The following DNAI4 variants were observed in gnomAD, a reference collection of about 807,000 sequenced individuals.
DNAI4 encodes the protein WD repeat domain 78.
Under a neutral mutation model 105.8 loss-of-function variants are expected in DNAI4, and 85 were observed. The observed-to-expected ratio is 0.80, with a 90% CI of 0.67 to 0.96. The LOEUF is 0.96. DNAI4 is among the 40% of genes least tolerant of loss of function. The pLI, the probability that DNAI4 is intolerant of heterozygous loss-of-function variation, is 0.00. For missense variants in DNAI4, 1,014 were observed against 1,005.6 expected, an observed-to-expected ratio of 1.01 and a Z score of -0.11; for synonymous variants, 352 against 331.5, an observed-to-expected ratio of 1.06 and a Z score of -0.67.
chr1:66,839,407 G>T (rs558392302), intron 9 of DNAI4, among the ~76,000 whole-genome samples: 189 of 152,182 alleles, frequency 1.2e-3, no homozygotes, highest in Non-Finnish European at 2.1e-3. Context: ...GTGTTATTTA[G>T]GTTTCAATGG....
intron 1 of DNAI4, among the ~76,000 whole-genome samples, chr1:66,906,345 T>C (rs1649246855): frequency 6.6e-6 from 1 of 152,186 alleles, no homozygotes; most frequent in Non-Finnish European, 1.5e-5. Flanking sequence ...CTTCTAGTAC[T>C]CTGTAATATG....
chr1:66,833,904 C>G, intron 12 of DNAI4, 87 bp downstream of exon 12: 1 of 1,473,796 alleles, frequency 6.8e-7, no homozygotes, highest in Non-Finnish European at 9.0e-7. Flanking sequence ...TTGGCCAAAC[C>G]AAAATTTGTC....
chr1:66,884,642 T>G (rs1647153885), intron 4 of DNAI4, among the ~76,000 whole-genome samples: 1 of 152,234 alleles, frequency 6.6e-6, no homozygotes, highest in Admixed American at 6.5e-5. Context: ...GTTGAGGATT[T>G]TTGCATCCAT....
In DNAI4 at chr1:66,814,196, C is replaced by G. The variant is rs1187321921; in HGVS notation, c.2497-16G>C. 6.4e-7 allele frequency: 1 copy of G among 1,570,978 alleles called. No homozygotes were observed. Among genetic ancestry groups the G allele is most frequent in the Non-Finnish European group, 8.6e-7 (1 of 1,166,224 alleles). On this transcript the variant is annotated splice_polypyrimidine_tract_variant and intron_variant, in intron 16 of 16. Transcript: ENST00000371026. Reference sequence around the variant, plus strand: ...TTATATCTCCCTGAAAAAAAAAAGTCACACAATTACAATGCAATAAAATGC... The same window carrying G: ...TTATATCTCCCTGAAAAAAAAAAGTGACACAATTACAATGCAATAAAATGC...
intron 1 of DNAI4, among the ~76,000 whole-genome samples, chr1:66,924,208 T>C (rs1428488022): frequency 6.6e-6 from 1 of 152,224 alleles, no homozygotes; most frequent in African/African-American, 2.4e-5. Flanking sequence ...TCTCGCTCTG[T>C]TGCTCAGGCT....
chr1:66,874,744 A>G (rs1418807594), intron 5 of DNAI4, 37 bp downstream of exon 5: 2 of 1,575,996 alleles, frequency 1.3e-6, no homozygotes, highest in African/African-American at 1.4e-5. Context: ...TAGCATTTGA[A>G]TTACAGAAAC....
intron 14 of DNAI4, 117 bp from the exon 15 acceptor site, chr1:66,827,163 G>T: frequency 1.2e-6 from 1 of 838,802 alleles, no homozygotes; most frequent in South Asian, 2.0e-5. Flanking sequence ...ATTATTGTGT[G>T]GGCATTATTT....
At chr1:66,913,983 C>CAAAAAAAAAAAAAA (rs530815410) in intron 1 of DNAI4, among the ~76,000 whole-genome samples, 1 of 67,202 alleles carries the variant, frequency 1.5e-5, no homozygotes. Context: ...AACTCCGTCT[C>CAAAAAAAAAAAAAA]AAAAAAAAAA....
chr1:66,827,189 T>A, intron 14 of DNAI4, 143 bp from the exon 15 acceptor site: 1 of 656,938 alleles, frequency 1.5e-6, no homozygotes, highest in African/African-American at 1.8e-5. Context: ...GAGAATAAGA[T>A]CACAGATTGA....
chr1:66,911,893 G>A (rs1434717913), intron 1 of DNAI4, among the ~76,000 whole-genome samples: 6 of 152,158 alleles, frequency 3.9e-5, no homozygotes, highest in African/African-American at 1.4e-4. Flanking sequence ...CCAGGCTGGA[G>A]TGCAGTGGCT....
At chr1:66,917,101 T>G (rs938202534) in intron 1 of DNAI4, among the ~76,000 whole-genome samples, 2 of 152,238 alleles carry the variant, frequency 1.3e-5, no homozygotes, top group African/African-American at 2.4e-5. Flanking sequence ...GCTTATTTGG[T>G]ATAAAAATTA....
intron 10 of DNAI4, chr1:66,837,463 T>C (rs1393516640): frequency 2.6e-6 from 1 of 381,216 alleles, no homozygotes; most frequent in East Asian, 4.2e-5. Context: ...GGTTCAACTC[T>C]TCATCATCAT....
At chr1:66,842,809 GC>G (rs1326262971) in intron 8 of DNAI4, among the ~76,000 whole-genome samples, 1 of 152,176 alleles carries the variant, frequency 6.6e-6, no homozygotes, top group East Asian at 1.9e-4. Flanking sequence ...ATCTCCACCA[GC>G]TTTGAGTGCT....
intron 2 of DNAI4, among the ~76,000 whole-genome samples, chr1:66,903,282 C>T (rs3008888): frequency 0.78 from 119,350 of 152,152 alleles, 47,193 homozygotes; most frequent in East Asian, 0.88. Context: ...CTAAGTATTT[C>T]ATTATTTTTG....
chr1:66,892,470 T>C (rs1164090969), intron 3 of DNAI4, among the ~76,000 whole-genome samples: 2 of 152,356 alleles, frequency 1.3e-5, no homozygotes, highest in South Asian at 2.1e-4. Context: ...GTGATTTTAG[T>C]CCCATCTTTT....
intron 9 of DNAI4, among the ~76,000 whole-genome samples, chr1:66,838,114 T>A (rs374703468): frequency 3.2e-4 from 48 of 152,302 alleles, no homozygotes; most frequent in African/African-American, 1.1e-3. Context: ...TCTGAGTTTT[T>A]GAGGATGACT....
At chr1:66,868,873 C>T (rs1646784326) in intron 6 of DNAI4, among the ~76,000 whole-genome samples, 2 of 151,672 alleles carry the variant, frequency 1.3e-5, no homozygotes, top group South Asian at 2.1e-4. Flanking sequence ...GTCAGGAGAT[C>T]GAGACCATCC....
Position 66,834,085 on chromosome 1 carries a change from T to A in DNAI4, c.1797A>T (p.Gly599=). The A allele has an allele frequency of 1.2e-6, 2 of 1,612,840 alleles. No homozygotes were observed. The highest frequency in any genetic ancestry group is 1.7e-6 in the Non-Finnish European group (2 of 1,179,468). Residue 599 remains glycine, a synonymous_variant, in exon 12 of 17, where the codon GGA becomes GGT. Transcript: ENST00000371026. ...WQLQWIEQDR[G]TTGDGKREIL... Reference sequence around the variant, plus strand: ...TTTCTCTTTTGCCATCTCCTGTTGTTCCTCGATCTTGTTCTATCCACTGTA... The same window carrying A: ...TTTCTCTTTTGCCATCTCCTGTTGTACCTCGATCTTGTTCTATCCACTGTA...
At chr1:66,839,818 G>A (rs1423420357) in intron 9 of DNAI4, among the ~76,000 whole-genome samples, 1 of 152,140 alleles carries the variant, frequency 6.6e-6, no homozygotes, top group Admixed American at 6.6e-5. Flanking sequence ...GTTTGCATTT[G>A]AATTCTGGCT....
Sources: gnomAD v4.1 joint callset for allele counts (sites outside exome capture counted in the v4.1 genomes callset) on GRCh38, gnomAD v4.1.1 for gene constraint, MANE v1.5 for transcripts, NCBI Gene and HGNC (gene_info 2026-07-23, HGNC 2026-07-21) for gene names.